The following AMBP variants were observed in gnomAD, a reference collection of about 807,000 sequenced individuals.
The protein encoded by AMBP is protein AMBP.
A neutral mutation model predicts 46.3 loss-of-function variants in AMBP; 37 were observed. The observed-to-expected ratio is 0.80, with a 90% CI of 0.61 to 1.05. AMBP has a LOEUF of 1.05. Among genes scored for constraint, AMBP ranks in the 50% least tolerant of loss-of-function variants. AMBP has a pLI of 0.00. For synonymous variants in AMBP, 174 were observed against 175.9 expected, an observed-to-expected ratio of 0.99 and a Z score of 0.09; for missense variants, 475 against 461.2, an observed-to-expected ratio of 1.03 and a Z score of -0.27.
intron 2 of AMBP, 151 bp downstream of exon 2, chr9:114,076,447 C>A: frequency 8.9e-7 from 1 of 1,124,042 alleles, no homozygotes; most frequent in Non-Finnish European, 1.2e-6. Flanking sequence ...TGAAAAGGGC[C>A]GTCCTGGTGG....
chr9:114,074,875 G>A (rs1846788349), intron 3 of AMBP, 85 bp downstream of exon 3: 3 of 1,219,838 alleles, frequency 2.5e-6, no homozygotes, highest in South Asian at 2.5e-5. Context: ...TGGGAGGAAA[G>A]GTTACAGAGG....
In AMBP at chr9:114,076,506, C is replaced by A. The variant is rs1588492196; in HGVS notation, c.260+92G>T. The A allele has an allele frequency of 1.9e-6, 3 of 1,539,658 alleles. No homozygotes were observed. The East Asian group carries it at 6.8e-5, about 35-fold the overall frequency. ...TCAGCGGGAAGGTCCTGACTGGAAGCAGAGATCTGCAACTTCCCAGGATGG... is the reference window on the plus strand; with the variant it reads ...TCAGCGGGAAGGTCCTGACTGGAAGAAGAGATCTGCAACTTCCCAGGATGG... On this transcript the variant is annotated intron_variant, in intron 2 of 9. Transcript: ENST00000265132.
chr9:114,069,944 C>T, intron 5 of AMBP, 199 bp from the exon 6 acceptor site: 1 of 589,888 alleles, frequency 1.7e-6, no homozygotes, highest in Non-Finnish European at 3.0e-6. Context: ...ACCATCATTA[C>T]CATCTATCCA....
intron 9 of AMBP, 60 bp downstream of exon 9, chr9:114,060,865 T>C (rs1846627749): frequency 6.4e-7 from 1 of 1,562,404 alleles, no homozygotes. Context: ...CTCCCAGGGC[T>C]CTCCCACCTC....
In AMBP at chr9:114,078,204, C is replaced by T. The variant is rs1409495205; in HGVS notation, c.6G>A (p.Arg2=). 1.2e-5 allele frequency: 19 copies of T among 1,612,122 alleles called. No homozygotes were observed. Among genetic ancestry groups the T allele is most frequent in the Non-Finnish European group, 1.4e-5 (17 of 1,179,930 alleles). The change falls in exon 1 of 10, where the codon AGG becomes AGA. Residue 2 remains arginine, a synonymous_variant. Transcript: ENST00000265132. ...GCAGCAAGAGCAGGGCCCCGAGGCT[C>T]CTCATGGCTATGGGCTCCTCTGCCT... M[R]SLGALLLLLS...
At chr9:114,071,608 G>A (rs1191382719) in intron 5 of AMBP, among the ~76,000 whole-genome samples, 1 of 152,252 alleles carries the variant, frequency 6.6e-6, no homozygotes, top group Non-Finnish European at 1.5e-5. Context: ...TGGGGCCTGG[G>A]CCACCAGTCC....
At chr9:114,073,281 C>G (rs1428669589) in intron 4 of AMBP, among the ~76,000 whole-genome samples, 10 of 151,002 alleles carry the variant, frequency 6.6e-5, no homozygotes, top group Admixed American at 6.6e-4. Context: ...GAGTCTCACT[C>G]TGTCGCCTAG....
intron 5 of AMBP, among the ~76,000 whole-genome samples, chr9:114,070,296 G>A (rs753703560): frequency 3.6e-4 from 55 of 152,294 alleles, no homozygotes; most frequent in Middle Eastern, 3.4e-3. Flanking sequence ...GGCAGTGGTG[G>A]AGCTGGGACC....
intron 6 of AMBP, among the ~76,000 whole-genome samples, chr9:114,063,703 A>C (rs527898919): frequency 1.1e-4 from 16 of 152,076 alleles, no homozygotes; most frequent in Admixed American, 9.8e-4. Flanking sequence ...GCATCCAAAA[A>C]AACAACAAAA....
At chr9:114,067,393 G>A (rs1039071204) in intron 6 of AMBP, among the ~76,000 whole-genome samples, 1 of 151,964 alleles carries the variant, frequency 6.6e-6, no homozygotes, top group African/African-American at 2.4e-5. Flanking sequence ...GCCACCCACT[G>A]AGCTGGCTAA....
At chr9:114,076,815 C>T in intron 1 of AMBP, 75 bp from the exon 2 acceptor site, 1 of 1,528,604 alleles carries the variant, frequency 6.5e-7, no homozygotes, top group Non-Finnish European at 8.9e-7. Flanking sequence ...ATCTGCTCCC[C>T]ACCCTCCACC....
Position 114,061,518 on chromosome 9 carries a change from G to A in AMBP, c.759C>T (p.Ser253=). 6.2e-7 allele frequency: 1 copy of A among 1,614,126 alleles called. No individual in the cohort carries two copies. Among genetic ancestry groups the A allele is most frequent in the Admixed American group, 1.7e-5 (1 of 60,018 alleles). ...CGTACTGGAAAGTCTCACAGGCCAT[G>A]GATGTACCATTATAGAAATACCTGC... The part of the protein sequence containing the change: ...MTSRYFYNGT[S]MACETFQYGG... The change falls in exon 8 of 10, where the codon TCC becomes TCT. Residue 253 remains serine (S), a synonymous_variant. Transcript: ENST00000265132.
At chr9:114,073,951 C>T (rs1292124164) in intron 4 of AMBP, 85 bp downstream of exon 4, 43 of 1,302,702 alleles carry the variant, frequency 3.3e-5, no homozygotes, top group Middle Eastern at 3.8e-4. Flanking sequence ...AAGCAAAACT[C>T]CCTGTGCTTA....
chr9:114,066,880 C>A (rs1330650364), intron 6 of AMBP, among the ~76,000 whole-genome samples: 3 of 152,164 alleles, frequency 2.0e-5, no homozygotes, highest in Non-Finnish European at 2.9e-5. Context: ...TTCCCTCAAA[C>A]ACAGAAGAAA....
At position 114,060,912 on chromosome 9, in the gene AMBP, C is replaced by G. The variant is rs1217529658; in HGVS notation, c.1027+13G>C. 6.2e-7 allele frequency: 1 copy of G among 1,610,586 alleles called. No homozygotes were observed. Among genetic ancestry groups the G allele is most frequent in the Middle Eastern group, 1.7e-4 (1 of 6,048 alleles). ...CCCCTCGGCCCAGCCTGGCACCCTG[C>G]AGGGCTGCCTACCATCACCAGGGAC... On this transcript the variant is annotated intron_variant, in intron 9 of 9. Transcript: ENST00000265132.
At chr9:114,062,624 G>T (rs1468472733) in intron 7 of AMBP, 53 bp downstream of exon 7, 21 of 1,574,902 alleles carry the variant, frequency 1.3e-5, no homozygotes, top group Non-Finnish European at 1.7e-5. Flanking sequence ...CCAACTGTGG[G>T]CCCTTCCTTT....
intron 5 of AMBP, 30 bp downstream of exon 5, chr9:114,072,895 A>G (rs775173026): frequency 1.1e-5 from 17 of 1,602,944 alleles, no homozygotes; most frequent in Non-Finnish European, 1.4e-5. Context: ...AAGAGGGGAC[A>G]GGAATTTGAG....
At position 114,072,989 on chromosome 9, in the gene AMBP, G is replaced by A; in HGVS notation, c.492C>T (p.Asp164=). The stretch of plus-strand genomic sequence containing the variant: ...CCACACCCTGGGCAACCACTCTGAA[G>A]TCCTGCAGGAGAGTTTCCCTCAGCT... ...APQLRETLLQ[D]FRVVAQGVGI... Residue 164 remains aspartate, a synonymous_variant, in exon 5 of 10, where the codon GAC becomes GAT. Coordinates refer to ENST00000265132, the MANE Select transcript of AMBP (RefSeq NM_001633.4). 6.2e-7 allele frequency: 1 copy of A among 1,613,916 alleles called. No homozygotes were observed. The highest frequency in any genetic ancestry group is 8.5e-7 in the Non-Finnish European group (1 of 1,179,854).
At chr9:114,062,803 G>A (rs372039738) in intron 6 of AMBP, 45 bp from the exon 7 acceptor site, 27 of 1,576,428 alleles carry the variant, frequency 1.7e-5, no homozygotes, top group Middle Eastern at 1.7e-4. Flanking sequence ...ACTCCTTGCC[G>A]CTATTGCTTT....
Sources: gnomAD v4.1 joint callset for allele counts (sites outside exome capture counted in the v4.1 genomes callset) on GRCh38, gnomAD v4.1.1 for gene constraint, MANE v1.5 for transcripts, NCBI Gene and HGNC (gene_info 2026-07-23, HGNC 2026-07-21) for gene names.